Variants in PDS5B observed in about 807,000 individuals in gnomAD.
PDS5B encodes the protein PDS5 cohesin associated factor B.
A neutral mutation model predicts 184.1 loss-of-function variants in PDS5B; 51 were observed. That is an observed-to-expected ratio of 0.28 (90% CI 0.22 to 0.35). PDS5B has a LOEUF of 0.35. Ranked by LOEUF, PDS5B falls within the 10% of genes least tolerant of loss-of-function variation. The pLI, the probability that PDS5B is intolerant of heterozygous loss-of-function variation, is 1.00. For synonymous variants in PDS5B, 566 were observed against 569.2 expected (o/e 0.99, Z 0.08); for missense variants, 1,180 against 1,723.3 (o/e 0.68, Z 5.58).
chr13:32,656,620 A>G lies in PDS5B; in HGVS notation c.313-1619A>G, dbSNP rs1950521143. 2.7e-5 allele frequency among the ~76,000 whole-genome samples: 4 copies of G among 147,028 alleles called. No individual in the cohort carries two copies. The South Asian group carries it at 8.5e-4, about 31-fold the overall frequency. ...CTTTTTTTTTTTTTTTTTAAAAGACAAAGTCTGGCTCTGTCACCCAGGCTG... is the reference window on the plus strand; with the variant it reads ...CTTTTTTTTTTTTTTTTTAAAAGACGAAGTCTGGCTCTGTCACCCAGGCTG... On this transcript the variant is annotated intron_variant, in intron 3 of 34. Coordinates refer to ENST00000315596, the MANE Select transcript of PDS5B (RefSeq NM_015032.4).
intron 9 of PDS5B, among the ~76,000 whole-genome samples, chr13:32,677,271 T>C (rs1451949478): frequency 6.6e-6 from 1 of 152,026 alleles, no homozygotes; most frequent in Non-Finnish European, 1.5e-5. Flanking sequence ...TTATGCAACT[T>C]AATTTAAAGT....
At chr13:32,588,725 T>G (rs1261961053) in intron 1 of PDS5B, among the ~76,000 whole-genome samples, 1 of 152,258 alleles carries the variant, frequency 6.6e-6, no homozygotes, top group African/African-American at 2.4e-5. Context: ...TAGGAGATGT[T>G]TGTATTAAGC....
At chr13:32,692,382 C>G (rs1174480537) in intron 13 of PDS5B, among the ~76,000 whole-genome samples, 1 of 104,544 alleles carries the variant, frequency 9.6e-6, no homozygotes, top group African/African-American at 3.4e-5. Context: ...TTGTGATCTT[C>G]TCTTTTATTA....
chr13:32,676,025 A>G, intron 9 of PDS5B, 66 bp downstream of exon 9: 2 of 837,708 alleles, frequency 2.4e-6, no homozygotes, highest in South Asian at 1.5e-5. Context: ...TTTAAGAAAC[A>G]TTATCCACAT....
intron 1 of PDS5B, among the ~76,000 whole-genome samples, chr13:32,598,764 TTC>T (rs749253295): frequency 0.017 from 2,469 of 141,132 alleles, 22 homozygotes; most frequent in Non-Finnish European, 0.028. Flanking sequence ...ATGGTTTTTT[TTC>T]TCTCTTTTTT....
At chr13:32,755,657 T>TC (rs774722210) in intron 25 of PDS5B, among the ~76,000 whole-genome samples, 185 bp from the exon 26 acceptor site, 6 of 152,136 alleles carry the variant, frequency 3.9e-5, no homozygotes, top group Admixed American at 1.3e-4. Flanking sequence ...ATCATGTACC[T>TC]CAACACAGGG....
At chr13:32,604,707 CT>C (rs2058032839) in intron 1 of PDS5B, among the ~76,000 whole-genome samples, 2 of 152,192 alleles carry the variant, frequency 1.3e-5, no homozygotes, top group South Asian at 4.2e-4. Flanking sequence ...TGGTCCTGGA[CT>C]TTTTTTGGTT....
In PDS5B at chr13:32,608,116, T is replaced by C. The variant is rs186747181; in HGVS notation, c.-20+21523T>C. Among the ~76,000 whole-genome samples, 80 of 152,328 alleles carry C rather than the reference T, an allele frequency of 5.3e-4. 2 individuals carry two copies. Among genetic ancestry groups the C allele is most frequent in the Non-Finnish European group, 8.5e-4 (58 of 68,024 alleles). ...TTGGAAATGCAGAAATCACCCGTGT[T>C]CTGCGTCGCTCATGCTGGGAGCTCT... On this transcript the variant is annotated intron_variant, in intron 1 of 34. Transcript: ENST00000315596.
chr13:32,764,708 T>C, intron 31 of PDS5B, 114 bp downstream of exon 31: 1 of 559,896 alleles, frequency 1.8e-6, no homozygotes, highest in Non-Finnish European at 3.0e-6. Flanking sequence ...TATTTTATTT[T>C]AGTGGTTTTA....
intron 34 of PDS5B, among the ~76,000 whole-genome samples, chr13:32,774,731 T>C (rs1018128385): frequency 1.3e-5 from 2 of 152,210 alleles, no homozygotes; most frequent in African/African-American, 4.8e-5. Context: ...TTTCTTGCTG[T>C]AGACATTGAC....
intron 23 of PDS5B, among the ~76,000 whole-genome samples, chr13:32,744,883 G>T (rs999179518): frequency 4.6e-5 from 7 of 152,040 alleles, no homozygotes; most frequent in African/African-American, 1.4e-4. Flanking sequence ...ACCCCGCAGT[G>T]CTATATGTAC....
intron 14 of PDS5B, among the ~76,000 whole-genome samples, chr13:32,695,573 C>T (rs1282666779): frequency 6.6e-6 from 1 of 151,882 alleles, no homozygotes; most frequent in Non-Finnish European, 1.5e-5. Context: ...GATGTTCTTA[C>T]TTACATGTAT....
chr13:32,596,954 A>G (rs557058841), intron 1 of PDS5B, among the ~76,000 whole-genome samples: 1 of 152,110 alleles, frequency 6.6e-6, no homozygotes, highest in African/African-American at 2.4e-5. Context: ...TTTTTTTAAC[A>G]GTATTTTGAT....
intron 3 of PDS5B, among the ~76,000 whole-genome samples, chr13:32,654,562 G>A (rs1003525115): frequency 2.0e-5 from 3 of 152,034 alleles, no homozygotes; most frequent in East Asian, 3.9e-4. Context: ...AGGTGCAGGG[G>A]TACATTTGCA....
intron 1 of PDS5B, among the ~76,000 whole-genome samples, chr13:32,646,158 C>G (rs536999476): frequency 6.6e-6 from 1 of 152,126 alleles, no homozygotes; most frequent in African/African-American, 2.4e-5. Context: ...GTGCACACCA[C>G]TATGCTTGGC....
intron 3 of PDS5B, among the ~76,000 whole-genome samples, chr13:32,654,661 A>C (rs1950454858): frequency 6.6e-6 from 1 of 152,072 alleles, no homozygotes; most frequent in East Asian, 1.9e-4. Flanking sequence ...CCCAATAGGT[A>C]GTTTTCCGAT....
intron 30 of PDS5B, among the ~76,000 whole-genome samples, chr13:32,761,730 A>G (rs57785995): frequency 0.01 from 1,570 of 152,176 alleles, 40 homozygotes; most frequent in African/African-American, 0.036. Flanking sequence ...GGTTGATTCC[A>G]TATCTTTGAT....
chr13:32,700,286 G>C (rs1262726241), intron 16 of PDS5B, among the ~76,000 whole-genome samples: 1 of 151,980 alleles, frequency 6.6e-6, no homozygotes. Context: ...AAGTACAATT[G>C]CATGGGCTAA....
chr13:32,734,878 A>G (rs1953268402), intron 20 of PDS5B, among the ~76,000 whole-genome samples: 1 of 152,158 alleles, frequency 6.6e-6, no homozygotes, highest in Non-Finnish European at 1.5e-5. Context: ...GTCATAAACT[A>G]TATGCTATGA....
Sources: gnomAD v4.1 joint callset for allele counts (sites outside exome capture counted in the v4.1 genomes callset) on GRCh38, gnomAD v4.1.1 for gene constraint, MANE v1.5 for transcripts, NCBI Gene and HGNC (gene_info 2026-07-23, HGNC 2026-07-21) for gene names.